Variants in SEMA5A observed in about 807,000 individuals in gnomAD.
SEMA5A encodes semaphorin 5A.
In SEMA5A, 55 loss-of-function variants were observed where a neutral mutation model predicts 135.5. That is an observed-to-expected ratio of 0.41 (90% CI 0.33 to 0.51). The LOEUF is 0.51. SEMA5A is among the 20% of genes least tolerant of loss of function. The pLI is 0.37. For missense variants in SEMA5A, 1,290 were observed against 1,419.9 expected, an observed-to-expected ratio of 0.91 and a Z score of 1.47; for synonymous variants, 580 against 546.5, an observed-to-expected ratio of 1.06 and a Z score of -0.85.
intron 1 of SEMA5A, among the ~76,000 whole-genome samples, chr5:9,498,235 C>T (rs1735400760): frequency 6.6e-6 from 1 of 152,140 alleles, no homozygotes; most frequent in South Asian, 2.1e-4. Context: ...CCCCAGGAGG[C>T]ACTACTCCTC....
chr5:9,500,107 T>C (rs1296195213), intron 1 of SEMA5A, among the ~76,000 whole-genome samples: 1 of 152,226 alleles, frequency 6.6e-6, no homozygotes, highest in Non-Finnish European at 1.5e-5. Context: ...GAAATGGCTA[T>C]GCAACTTTTT....
intron 12 of SEMA5A, among the ~76,000 whole-genome samples, chr5:9,148,052 T>C (rs544762241): frequency 6.6e-6 from 1 of 152,066 alleles, no homozygotes; most frequent in South Asian, 2.1e-4. Context: ...GAATTTACAG[T>C]CTACTTTCTG....
At chr5:9,125,778 A>G (rs1741075067) in intron 13 of SEMA5A, among the ~76,000 whole-genome samples, 1 of 151,994 alleles carries the variant, frequency 6.6e-6, no homozygotes, top group Admixed American at 6.6e-5. Context: ...TTGCATGACA[A>G]CGTGACTCAA....
chr5:9,161,768 A>G (rs911732936), intron 11 of SEMA5A, among the ~76,000 whole-genome samples: 3 of 152,236 alleles, frequency 2.0e-5, no homozygotes, highest in Non-Finnish European at 4.4e-5. Flanking sequence ...TGCATTTCAC[A>G]TATTGAACCT....
intron 11 of SEMA5A, among the ~76,000 whole-genome samples, chr5:9,180,503 TG>T (rs1744444131): frequency 1.4e-5 from 2 of 146,630 alleles, no homozygotes; most frequent in East Asian, 4.2e-4. Flanking sequence ...TTGGAGTGAA[TG>T]TAAAAAAAAA....
intron 1 of SEMA5A, among the ~76,000 whole-genome samples, chr5:9,463,644 C>T (rs922055401): frequency 4.6e-5 from 7 of 152,146 alleles, no homozygotes; most frequent in Non-Finnish European, 1.0e-4. Flanking sequence ...TGCTCCAAGC[C>T]ACTGAGACCT....
At chr5:9,337,585 A>G (rs1198508489) in intron 4 of SEMA5A, 128 bp downstream of exon 4, 1 of 616,030 alleles carries the variant, frequency 1.6e-6, no homozygotes, top group Non-Finnish European at 2.9e-6. Context: ...CTCATACTGT[A>G]TTTCATTCTT....
At chr5:9,159,980 C>G (rs151216695) in intron 11 of SEMA5A, among the ~76,000 whole-genome samples, 319 of 152,204 alleles carry the variant, frequency 2.1e-3, no homozygotes, top group African/African-American at 7.3e-3. Context: ...CATGTTCTCA[C>G]TCTTAAGTGG....
intron 2 of SEMA5A, among the ~76,000 whole-genome samples, chr5:9,420,058 T>C (rs1561238369): frequency 6.6e-6 from 1 of 152,060 alleles, no homozygotes; most frequent in Non-Finnish European, 1.5e-5. Context: ...AGGGCCTTTG[T>C]TCCCGGGCTG....
intron 11 of SEMA5A, among the ~76,000 whole-genome samples, chr5:9,162,478 G>GTGTGTATATA (rs1175708730): frequency 0.36 from 28,366 of 79,220 alleles, 3,477 homozygotes; most frequent in African/African-American, 0.4. Flanking sequence ...ATATATGTGT[G>GTGTGTATATA]TGTGTATATA....
intron 8 of SEMA5A, among the ~76,000 whole-genome samples, chr5:9,218,992 T>A (rs1294437723): frequency 6.6e-6 from 1 of 152,220 alleles, no homozygotes; most frequent in South Asian, 2.1e-4. Flanking sequence ...CTAATACTTA[T>A]CATCTTCGTT....
chr5:9,065,543 C>T (rs1393266472), intron 17 of SEMA5A, among the ~76,000 whole-genome samples: 2 of 152,196 alleles, frequency 1.3e-5, no homozygotes, highest in Admixed American at 6.5e-5. Flanking sequence ...GTAGAATCAC[C>T]TGTGCAAAGA....
intron 16 of SEMA5A, among the ~76,000 whole-genome samples, chr5:9,085,619 T>C (rs914573464): frequency 1.3e-5 from 2 of 152,112 alleles, no homozygotes; most frequent in Non-Finnish European, 2.9e-5. Flanking sequence ...TGGAAACACA[T>C]GAATGTCCAG....
chr5:9,443,665 A>T (rs1470419190), intron 1 of SEMA5A, among the ~76,000 whole-genome samples: 1 of 152,230 alleles, frequency 6.6e-6, no homozygotes, highest in Admixed American at 6.5e-5. Flanking sequence ...CTTATTTCAC[A>T]AAAGTTCTAA....
At chr5:9,355,510 C>T (rs1329466069) in intron 3 of SEMA5A, among the ~76,000 whole-genome samples, 1 of 152,062 alleles carries the variant, frequency 6.6e-6, no homozygotes, top group Non-Finnish European at 1.5e-5. Flanking sequence ...TAGAACAGCT[C>T]AATCTATGGG....
chr5:9,429,046 A>G (rs536512313), intron 2 of SEMA5A, among the ~76,000 whole-genome samples: 16 of 152,376 alleles, frequency 1.1e-4, no homozygotes, highest in African/African-American at 2.4e-4. Flanking sequence ...AGGGATGTGC[A>G]CAGGAGTGTG....
intron 8 of SEMA5A, among the ~76,000 whole-genome samples, chr5:9,216,725 C>T (rs990912957): frequency 6.6e-6 from 1 of 152,156 alleles, no homozygotes; most frequent in Non-Finnish European, 1.5e-5. Flanking sequence ...AATCCTTTAC[C>T]ATTATGTAAT....
chr5:9,395,723 A>G (rs551572497), intron 2 of SEMA5A, among the ~76,000 whole-genome samples: 2 of 152,348 alleles, frequency 1.3e-5, no homozygotes, highest in African/African-American at 4.8e-5. Flanking sequence ...AAAGTAGCAC[A>G]CATGTTTTTC....
chr5:9,183,685 G>C (rs1744650693), intron 11 of SEMA5A, among the ~76,000 whole-genome samples: 1 of 152,198 alleles, frequency 6.6e-6, no homozygotes, highest in African/African-American at 2.4e-5. Flanking sequence ...TTGCACCCCA[G>C]AGCCTTGGCT....
Sources: gnomAD v4.1 joint callset for allele counts (sites outside exome capture counted in the v4.1 genomes callset) on GRCh38, gnomAD v4.1.1 for gene constraint, MANE v1.5 for transcripts, NCBI Gene and HGNC (gene_info 2026-07-23, HGNC 2026-07-21) for gene names.